TENM1: variants seen among roughly 807,000 people sequenced by gnomAD.
TENM1 encodes teneurin transmembrane protein 1.
Under a neutral mutation model 174.8 loss-of-function variants are expected in TENM1, and 35 were observed. The observed-to-expected ratio is 0.20, with a 90% CI of 0.15 to 0.27. The LOEUF (loss-of-function observed/expected upper bound fraction) is 0.27. Among genes scored for constraint, TENM1 ranks in the 10% least tolerant of loss-of-function variants. The pLI, the probability that TENM1 is intolerant of heterozygous loss-of-function variation, is 1.00. For synonymous variants in TENM1, 781 were observed against 798.7 expected (o/e 0.98, Z 0.37); for missense variants, 1,633 against 2,130.1 (o/e 0.77, Z 4.59).
At chrX:124,851,241 A>G (rs939719763) in intron 3 of TENM1, among the ~76,000 whole-genome samples, 1 of 111,248 alleles carries the variant, frequency 9.0e-6, no homozygotes, top group Non-Finnish European at 1.9e-5. Flanking sequence ...ACCTTTATAA[A>G]TCACTCTCTG....
At chrX:124,920,721 T>C (rs2058006964) in intron 1 of TENM1, among the ~76,000 whole-genome samples, 1 of 111,068 alleles carries the variant, frequency 9.0e-6, no homozygotes, top group Non-Finnish European at 1.9e-5. Context: ...TTTTTATTTA[T>C]ATATATTTAT....
intron 22 of TENM1, among the ~76,000 whole-genome samples, chrX:124,468,237 G>A (rs779203341): frequency 7.3e-5 from 8 of 108,966 alleles, no homozygotes; most frequent in Non-Finnish European, 1.3e-4. Flanking sequence ...GTGCAGTGGC[G>A]TGATCTTGGC....
the TENM1 span, among the ~76,000 whole-genome samples, chrX:125,156,363 A>G: frequency 8.9e-6 from 1 of 111,920 alleles, no homozygotes; most frequent in African/African-American, 3.3e-5. Context: ...TTACCCCGGT[A>G]ATAAGCATAG....
chrX:124,398,728 T>C (rs1603250688), intron 27 of TENM1, among the ~76,000 whole-genome samples: 1 of 111,438 alleles, frequency 9.0e-6, no homozygotes, highest in Non-Finnish European at 1.9e-5. Flanking sequence ...ATTTTAAGCG[T>C]ACAATTTAAT....
intron 25 of TENM1, among the ~76,000 whole-genome samples, chrX:124,418,776 A>T (rs778440943): frequency 8.9e-6 from 1 of 112,046 alleles, no homozygotes; most frequent in South Asian, 3.8e-4. Flanking sequence ...TTAGCTTTCA[A>T]AATAGTTGTT....
chrX:124,894,441 C>T (rs1009469304), intron 2 of TENM1, 89 bp from the exon 6 acceptor site: 27 of 644,969 alleles, frequency 4.2e-5, no homozygotes, highest in Non-Finnish European at 5.7e-5. Flanking sequence ...TCTAGTGGTG[C>T]TTAAAAAAAA....
rs113637726 is a variant in TENM1 at position 124,895,365 on chromosome X, A to T, written c.478+616T>A. ...AAAATAAATTAACCCCTTTCCAACAAATCAAAAAGACAAAATTTTCCTTTT... is the reference window on the plus strand; with the variant it reads ...AAAATAAATTAACCCCTTTCCAACATATCAAAAAGACAAAATTTTCCTTTT... On this transcript the variant is annotated intron_variant, in intron 2 of 31. Coordinates refer to ENST00000422452, the Ensembl canonical transcript of TENM1. Among the ~76,000 whole-genome samples the T allele has an allele frequency of 3.4e-3, 378 of 112,350 alleles. 1 individual carries two copies. The highest frequency in any genetic ancestry group is 0.011 in the African/African-American group (354 of 30,966).
chrX:124,644,751 G>A lies in TENM1; in HGVS notation c.1876+392C>T, dbSNP rs188896158. Among the ~76,000 whole-genome samples, 818 of 111,153 alleles carry A rather than the reference G, an allele frequency of 7.4e-3. 12 individuals carry two copies. The highest frequency in any genetic ancestry group is 0.025 in the African/African-American group (758 of 30,481). On this transcript the variant is annotated intron_variant, in intron 10 of 31. Coordinates refer to ENST00000422452, the Ensembl canonical transcript of TENM1. Reference sequence around the variant, plus strand: ...CAAAGAAAACATTTGCAAAATGGCTGCAAACGTGCATATATTATTATTTTT... The same window carrying A: ...CAAAGAAAACATTTGCAAAATGGCTACAAACGTGCATATATTATTATTTTT...
At chrX:125,076,891 T>C in the TENM1 span, among the ~76,000 whole-genome samples, 1 of 111,249 alleles carries the variant, frequency 9.0e-6, no homozygotes, top group Non-Finnish European at 1.9e-5. Flanking sequence ...ACTTAAACAT[T>C]TCAAAATTTT....
chrX:124,938,317 C>T (rs2058276084), intron 1 of TENM1, among the ~76,000 whole-genome samples: 1 of 112,003 alleles, frequency 8.9e-6, no homozygotes, highest in Non-Finnish European at 1.9e-5. Flanking sequence ...AACTGTTTTC[C>T]GTGAGAAAAA....
At chrX:124,599,874 A>C (rs941132090) in intron 11 of TENM1, among the ~76,000 whole-genome samples, 1 of 110,680 alleles carries the variant, frequency 9.0e-6, no homozygotes, top group Non-Finnish European at 1.9e-5. Context: ...AGAGAGTTAC[A>C]AATATGAAAA....
chrX:125,187,219 T>G, the TENM1 span, among the ~76,000 whole-genome samples: 1 of 112,291 alleles, frequency 8.9e-6, no homozygotes, highest in Non-Finnish European at 1.9e-5. Flanking sequence ...GAGATTGCGC[T>G]GTTGCACGCC....
At chrX:125,082,231 C>T in the TENM1 span, among the ~76,000 whole-genome samples, 1 of 110,637 alleles carries the variant, frequency 9.0e-6, no homozygotes, top group South Asian at 3.8e-4. Flanking sequence ...TCCACACCAC[C>T]ATCAGGATGT....
the TENM1 span, among the ~76,000 whole-genome samples, chrX:125,084,139 C>T: frequency 9.0e-6 from 1 of 110,760 alleles, no homozygotes; most frequent in Non-Finnish European, 1.9e-5. Context: ...CTTCCCTCCC[C>T]TTTCCCCATA....
chrX:124,416,246 C>G (rs972694201), intron 25 of TENM1, among the ~76,000 whole-genome samples: 8 of 111,774 alleles, frequency 7.2e-5, no homozygotes, highest in Admixed American at 6.6e-4. Context: ...TTAACCGTCA[C>G]TCCCCATTCA....
chrX:124,930,731 G>A (rs1264221415), intron 1 of TENM1, among the ~76,000 whole-genome samples: 1 of 110,576 alleles, frequency 9.0e-6, no homozygotes, highest in Non-Finnish European at 1.9e-5. Context: ...ATGCCTGAAA[G>A]AATCCTTTTA....
At position 124,720,824 on chromosome X, in the gene TENM1, G is replaced by T. The variant is rs1422143564; in HGVS notation, c.777-15573C>A. 2.7e-5 allele frequency among the ~76,000 whole-genome samples: 3 copies of T among 112,244 alleles called. No individual in the cohort carries two copies. The Admixed American group carries it at 2.8e-4, about 11-fold the overall frequency. ...TCACTACCCTTTGACAGAAAGGGAA[G>T]TGTGGTGTCTTCTTCAGTTCTTCTT... On this transcript the variant is annotated intron_variant, in intron 4 of 31. Transcript: ENST00000422452.
chrX:125,125,048 A>C, the TENM1 span, among the ~76,000 whole-genome samples: 3 of 112,579 alleles, frequency 2.7e-5, no homozygotes, highest in African/African-American at 9.7e-5. Context: ...AAATTTCTGC[A>C]TCATTGGATC....
the TENM1 span, among the ~76,000 whole-genome samples, chrX:125,012,032 C>G: frequency 2.7e-5 from 3 of 111,473 alleles, no homozygotes; most frequent in African/African-American, 9.8e-5. Context: ...ATGTCCTTTG[C>G]AGGGACATGG....
Sources: gnomAD v4.1 joint callset for allele counts (sites outside exome capture counted in the v4.1 genomes callset) on GRCh38, gnomAD v4.1.1 for gene constraint, MANE v1.5 for transcripts, NCBI Gene and HGNC (gene_info 2026-07-23, HGNC 2026-07-21) for gene names.